The following CSMD1 variants were observed in gnomAD, a reference collection of about 807,000 sequenced individuals.
The protein encoded by CSMD1 is CUB and sushi domain-containing protein 1.
Under a neutral mutation model 417.5 loss-of-function variants are expected in CSMD1, and 213 were observed. That is an observed-to-expected ratio of 0.51 (90% confidence interval 0.46 to 0.57). The LOEUF is 0.57. CSMD1 is among the 20% of genes least tolerant of loss of function. The pLI is 0.00. For missense variants in CSMD1, 6,923 were observed against 4,529.7 expected, an observed-to-expected ratio of 1.53 and a Z score of -15.17; for synonymous variants, 2,862 against 1,736.8, an observed-to-expected ratio of 1.65 and a Z score of -16.11.
At chr8:3,897,695 T>C (rs888411476) in intron 5 of CSMD1, among the ~76,000 whole-genome samples, 1 of 152,164 alleles carries the variant, frequency 6.6e-6, no homozygotes, top group Non-Finnish European at 1.5e-5. Flanking sequence ...TCCTTTATCA[T>C]GCCCATAATC....
rs145362748 is a variant in CSMD1 at position 3,308,167 on chromosome 8, C to G, written c.3823+145G>C. 4.0e-4 allele frequency: 264 copies of G among 655,776 alleles called. 2 individuals carry two copies. The African/African-American group carries it at 4.5e-3, about 11-fold the overall frequency. 40.6% of individuals were successfully genotyped at this position (655,776 alleles called of 1,614,324 possible). On this transcript the variant is annotated intron_variant, in intron 24 of 69. Transcript: ENST00000635120. ...AGCTGAAAACACACACTCACAGACA[C>G]GTGCAAATCTCAGAATACATAAAAC... is the stretch of plus-strand genomic sequence containing the variant.
chr8:4,120,410 T>C (rs1055791739), intron 3 of CSMD1, among the ~76,000 whole-genome samples: 1 of 152,206 alleles, frequency 6.6e-6, no homozygotes, highest in African/African-American at 2.4e-5. Context: ...CCCATCCAAT[T>C]GTTTGTTGAG....
chr8:4,119,753 A>T (rs1802374038), intron 3 of CSMD1, among the ~76,000 whole-genome samples: 1 of 152,204 alleles, frequency 6.6e-6, no homozygotes, highest in South Asian at 2.1e-4. Flanking sequence ...GGAAATGAAC[A>T]TCCATGGCAT....
chr8:3,340,668 T>C (rs73171195), intron 23 of CSMD1, among the ~76,000 whole-genome samples: 5 of 152,178 alleles, frequency 3.3e-5, no homozygotes, highest in African/African-American at 1.2e-4. Context: ...TTGATGACCT[T>C]GGGGAGCTGG....
intron 4 of CSMD1, among the ~76,000 whole-genome samples, chr8:4,005,641 GT>G (rs1434192894): frequency 6.6e-6 from 1 of 152,222 alleles, no homozygotes; most frequent in African/African-American, 2.4e-5. Context: ...AACATAGGGT[GT>G]CTCCCATGGA....
chr8:3,461,967 G>A (rs1188299619), intron 12 of CSMD1, among the ~76,000 whole-genome samples: 1 of 152,228 alleles, frequency 6.6e-6, no homozygotes, highest in Non-Finnish European at 1.5e-5. Context: ...CAGGAGGGTG[G>A]CGGTGAGGTG....
At chr8:3,799,842 G>A (rs927073159) in intron 5 of CSMD1, among the ~76,000 whole-genome samples, 5 of 152,122 alleles carry the variant, frequency 3.3e-5, no homozygotes, top group Non-Finnish European at 7.3e-5. Context: ...ATGAGGCTAG[G>A]TTTTGGAAGA....
chr8:3,583,657 T>C (rs904537455), intron 9 of CSMD1, among the ~76,000 whole-genome samples: 5 of 151,862 alleles, frequency 3.3e-5, no homozygotes, highest in African/African-American at 4.8e-5. Flanking sequence ...CAAACAGGAA[T>C]CAGGGCTGGG....
intron 1 of CSMD1, among the ~76,000 whole-genome samples, chr8:4,886,908 T>C (rs184672655): frequency 6.6e-6 from 1 of 152,172 alleles, no homozygotes; most frequent in East Asian, 1.9e-4. Flanking sequence ...TTAAAAATAT[T>C]TAGTCGATGT....
intron 1 of CSMD1, among the ~76,000 whole-genome samples, chr8:4,860,214 G>A (rs1181920052): frequency 1.5e-5 from 2 of 130,554 alleles, no homozygotes; most frequent in Non-Finnish European, 3.1e-5. Flanking sequence ...TGAACAAGGA[G>A]ATCACATGGA....
chr8:3,930,234 T>C (rs1047012745), intron 5 of CSMD1, among the ~76,000 whole-genome samples: 3 of 150,410 alleles, frequency 2.0e-5, no homozygotes, highest in Non-Finnish European at 3.0e-5. Context: ...GTAGAGGTCC[T>C]TCTTCAAAGA....
At chr8:4,803,881 C>T (rs926140258) in intron 1 of CSMD1, among the ~76,000 whole-genome samples, 3 of 152,050 alleles carry the variant, frequency 2.0e-5, no homozygotes, top group Non-Finnish European at 4.4e-5. Context: ...TAATGAGAGC[C>T]AAGTGTTAAC....
chr8:3,412,400 T>A (rs1812867671), intron 12 of CSMD1, among the ~76,000 whole-genome samples: 1 of 152,090 alleles, frequency 6.6e-6, no homozygotes, highest in Admixed American at 6.6e-5. Flanking sequence ...TTCCAGATGG[T>A]TTGAAGGTCT....
At chr8:4,194,029 T>A (rs1304599440) in intron 3 of CSMD1, among the ~76,000 whole-genome samples, 1 of 152,168 alleles carries the variant, frequency 6.6e-6, no homozygotes, top group Non-Finnish European at 1.5e-5. Flanking sequence ...ATTTAAGGCA[T>A]GATATTAAAA....
At chr8:4,051,013 G>T (rs1468197632) in intron 3 of CSMD1, among the ~76,000 whole-genome samples, 2 of 152,048 alleles carry the variant, frequency 1.3e-5, no homozygotes, top group Non-Finnish European at 2.9e-5. Context: ...AAGGAGGAAG[G>T]AGCCAGAAAA....
rs746737400 is a variant in CSMD1, at chr8:4,637,293, C to G, written c.302+49G>C. 3 of 1,398,042 alleles carry G rather than the reference C, an allele frequency of 2.1e-6. 1 individual carries two copies. The highest frequency in any genetic ancestry group is 3.0e-6 in the Non-Finnish European group (3 of 997,440). 86.6% of individuals were successfully genotyped at this position (1,398,042 alleles called of 1,614,324 possible). Reference sequence around the variant, plus strand: ...AAATATTCCAACTAGATTTCATAATCTGTGTATTCAAACAGTGCTAACTGT... The same window carrying G: ...AAATATTCCAACTAGATTTCATAATGTGTGTATTCAAACAGTGCTAACTGT... On this transcript the variant is annotated intron_variant, in intron 2 of 69. Transcript: ENST00000635120.
intron 2 of CSMD1, among the ~76,000 whole-genome samples, chr8:4,583,968 G>A (rs775800094): frequency 6.6e-6 from 1 of 151,912 alleles, no homozygotes; most frequent in Admixed American, 6.6e-5. Flanking sequence ...CACTCCTGAA[G>A]CCAACGAGAC....
At chr8:4,971,503 G>C (rs2117383371) in intron 1 of CSMD1, among the ~76,000 whole-genome samples, 1 of 152,026 alleles carries the variant, frequency 6.6e-6, no homozygotes, top group Admixed American at 6.6e-5. Context: ...ATAAAACTAA[G>C]GAAATGATGA....
intron 2 of CSMD1, among the ~76,000 whole-genome samples, chr8:4,578,395 G>A (rs1470620636): frequency 7.9e-6 from 1 of 126,662 alleles, no homozygotes; most frequent in Non-Finnish European, 1.6e-5. Context: ...TAGCCAGGAT[G>A]TTCTCGATCT....
Sources: gnomAD v4.1 joint callset for allele counts (sites outside exome capture counted in the v4.1 genomes callset) on GRCh38, gnomAD v4.1.1 for gene constraint, MANE v1.5 for transcripts, NCBI Gene and HGNC (gene_info 2026-07-23, HGNC 2026-07-21) for gene names.